Variants in GLT8D1 observed in about 807,000 individuals in gnomAD.
The protein encoded by GLT8D1 is glycosyltransferase 8 domain containing 1.
GLT8D1 carries 41 observed loss-of-function variants against 46.2 expected under a neutral mutation model. That is an observed-to-expected ratio of 0.89 (90% CI 0.69 to 1.15). GLT8D1 has a LOEUF of 1.15. GLT8D1 is among the 50% of genes most tolerant of loss of function. GLT8D1 has a pLI of 0.00. For missense variants in GLT8D1, 408 were observed against 449.3 expected, an observed-to-expected ratio of 0.91 and a Z score of 0.83; for synonymous variants, 150 against 154.2, an observed-to-expected ratio of 0.97 and a Z score of 0.20.
chr3:52,700,282 A>G lies in GLT8D1; in HGVS notation c.95T>C (p.Leu32Ser). ...CATACCTGTAACCTCATTCCTTAAC[A>G]AACTGCTCAAGCTGAGGAAGTTATG... is the stretch of plus-strand genomic sequence containing the variant. ...LHHNFLSLSSLLRNEVTDSGI... is the reference protein window; with the variant it reads ...LHHNFLSLSSSLRNEVTDSGI... Residue 32 changes from leucine (L) to serine (S), a missense_variant, in exon 3 of 10, where the codon TTG becomes TCG. Coordinates refer to ENST00000266014, the MANE Select transcript of GLT8D1 (RefSeq NM_018446.4). 6.2e-7 allele frequency: 1 copy of G among 1,612,662 alleles called. No individual in the cohort carries two copies. Among genetic ancestry groups the G allele is most frequent in the South Asian group, 1.1e-5 (1 of 91,036 alleles).
intron 1 of GLT8D1, chr3:52,700,699 TAAAA>T (rs2097338614): frequency 2.3e-6 from 1 of 433,890 alleles, no homozygotes; most frequent in African/African-American, 2.0e-5. Context: ...ATAAAAAACT[TAAAA>T]ATAAGTTGGA....
At chr3:52,696,512 C>A in intron 5 of GLT8D1, 30 bp downstream of exon 5, 3 of 1,193,082 alleles carry the variant, frequency 2.5e-6, no homozygotes, top group Non-Finnish European at 2.5e-6. Context: ...CTAATACTGC[C>A]AAGTGCAAAG....
In GLT8D1 at chr3:52,700,371, T is replaced by C. The variant is rs371635121; in HGVS notation, c.17-11A>G. On this transcript the variant is annotated splice_polypyrimidine_tract_variant and intron_variant, in intron 2 of 9. Transcript: ENST00000266014. ...AGATGATGATGTTTACTGAAATAGATAGGGAAAACCTATGTTATACCTCTT... is the reference window on the plus strand; with the variant it reads ...AGATGATGATGTTTACTGAAATAGACAGGGAAAACCTATGTTATACCTCTT... The C allele has an allele frequency of 5.0e-6, 8 of 1,607,050 alleles. No homozygotes were observed. In the African/African-American group the frequency reaches 8.0e-5, roughly 16 times the overall value.
At position 52,694,724 on chromosome 3, in the gene GLT8D1, T is replaced by C. The variant is rs764678361; in HGVS notation, c.*121A>G. ...GGGCAGTTTGTCATCTTTACCTAGC[T>C]GACACATCTTTTTCCATGGCTTGCT... is the stretch of plus-strand genomic sequence containing the variant. On this transcript the variant is annotated 3_prime_UTR_variant, in exon 10 of 10. Coordinates refer to ENST00000266014, the MANE Select transcript of GLT8D1 (RefSeq NM_018446.4). 11 of 742,058 alleles carry C rather than the reference T, an allele frequency of 1.5e-5. No homozygotes were observed. The African/African-American group carries it at 1.9e-4, about 13-fold the overall frequency. 46.0% of individuals were successfully genotyped at this position (742,058 alleles called of 1,614,324 possible). A position where few individuals can be genotyped will look rare whatever the true frequency, so the allele number is the denominator to read the frequency against.
intron 1 of GLT8D1, 128 bp downstream of exon 1, chr3:52,705,319 G>A (rs970443382): frequency 3.3e-5 from 5 of 152,406 alleles, no homozygotes; most frequent in Non-Finnish European, 7.3e-5. Context: ...CCCCAGATGA[G>A]GGACTTTCTA....
chr3:52,702,277 C>G (rs1283894408), intron 1 of GLT8D1, among the ~76,000 whole-genome samples: 2 of 152,124 alleles, frequency 1.3e-5, no homozygotes, highest in Non-Finnish European at 2.9e-5. Context: ...CACTGTGGCT[C>G]ATGCCTATAA....
rs1460114991 is a variant in GLT8D1, at chr3:52,695,575, CA to C, written c.657del (p.Ile219MetfsTer16). 1 of 1,595,578 alleles carries C rather than the reference CA, an allele frequency of 6.3e-7. No individual in the cohort carries two copies. Among genetic ancestry groups the C allele is most frequent in the South Asian group, 1.1e-5 (1 of 90,530 alleles). The part of the protein sequence containing the change: ...IRGAGNQYNY[I>X]GYLDYKKERI... ...CTTTCCTTTTTATAGTCAAGATAGC[CA>C]ATGTAATTGTACTAAAAACACAAAT... is the stretch of plus-strand genomic sequence containing the variant. On this transcript the variant is annotated frameshift_variant, in exon 8 of 10. Transcript: ENST00000266014. LOFTEE classifies it high-confidence loss of function.
intron 5 of GLT8D1, 78 bp downstream of exon 5, chr3:52,696,464 G>T: frequency 9.9e-7 from 1 of 1,008,226 alleles, no homozygotes; most frequent in Non-Finnish European, 1.6e-6. Flanking sequence ...GAAACTACTT[G>T]CACTATACCC....
chr3:52,696,609 T>C lies in GLT8D1; in HGVS notation c.380A>G (p.Asn127Ser), dbSNP rs1001647583. 3.1e-6 allele frequency: 5 copies of C among 1,611,440 alleles called. No homozygotes were observed. The highest frequency in any genetic ancestry group is 4.2e-6 in the Non-Finnish European group (5 of 1,177,626). The change falls in exon 5 of 10, where the codon AAT (asparagine) becomes AGT (serine). Residue 127 changes from asparagine (N) to serine (S), a missense_variant. Coordinates refer to ENST00000266014, the MANE Select transcript of GLT8D1 (RefSeq NM_018446.4). ...TCCTTCCAAAAGTTTAGGGTCAAAA[T>C]TGACAATTTTGTATCTGATGCTTTT... is the stretch of plus-strand genomic sequence containing the variant. ...SLKSIRYKIV[N>S]FDPKLLEGKV... is the part of the protein sequence containing the mutation.
At position 52,694,989 on chromosome 3, in the gene GLT8D1, G is replaced by C; in HGVS notation, c.972C>G (p.Ala324=). 1 of 1,612,506 alleles carries C rather than the reference G, an allele frequency of 6.2e-7. No individual in the cohort carries two copies. Among genetic ancestry groups the C allele is most frequent in the Non-Finnish European group, 8.5e-7 (1 of 1,178,536 alleles). Residue 324 remains alanine (A), a synonymous_variant, in exon 10 of 10, where the codon GCC becomes GCG. Coordinates refer to ENST00000266014, the MANE Select transcript of GLT8D1 (RefSeq NM_018446.4). Reference sequence around the variant, plus strand: ...AATGTCCATTCCAATGGAGTAACTTGGCAGCCTTTACAAACTGAGGTGAAT... The same window carrying C: ...AATGTCCATTCCAATGGAGTAACTTCGCAGCCTTTACAAACTGAGGTGAAT... ...KRYSPQFVKA[A]KLLHWNGHLK...
chr3:52,695,609 A>G (rs1453700744), intron 7 of GLT8D1, 22 bp from the exon 8 acceptor site: 2 of 1,413,686 alleles, frequency 1.4e-6, no homozygotes, highest in Non-Finnish European at 1.0e-6. Context: ...AATAGGATAT[A>G]TGTACTTACT....
intron 4 of GLT8D1, 36 bp downstream of exon 4, chr3:52,697,685 A>C (rs748947733): frequency 2.1e-6 from 3 of 1,415,574 alleles, no homozygotes; most frequent in South Asian, 1.1e-5. Context: ...GCTCTAAATC[A>C]TCCTCTAGAA....
intron 1 of GLT8D1, 54 bp downstream of exon 1, chr3:52,705,393 A>T (rs2097343201): frequency 6.6e-6 from 1 of 152,424 alleles, no homozygotes. Context: ...TCTGTTGTGG[A>T]TGCCGCCTAG....
chr3:52,695,393 T>A (rs751809106), intron 8 of GLT8D1, 28 bp downstream of exon 8: 2 of 1,605,046 alleles, frequency 1.2e-6, no homozygotes, highest in South Asian at 2.2e-5. Context: ...ACAACAGTTT[T>A]TCACAGCTAG....
chr3:52,704,529 T>C lies in GLT8D1; in HGVS notation c.-37+918A>G, dbSNP rs539885841. Among the ~76,000 whole-genome samples the C allele has an allele frequency of 9.3e-5, 14 of 151,068 alleles. No individual in the cohort carries two copies. In the East Asian group the frequency reaches 2.1e-3, roughly 23 times the overall value. ...ATTTATACACACAACAGAAAGTCTCTTCAAACACACCAAGAAATACAGAGC... is the reference window on the plus strand; with the variant it reads ...ATTTATACACACAACAGAAAGTCTCCTCAAACACACCAAGAAATACAGAGC... On this transcript the variant is annotated intron_variant, in intron 1 of 9. Coordinates refer to ENST00000266014, the MANE Select transcript of GLT8D1 (RefSeq NM_018446.4).
At chr3:52,698,536 C>G (rs1337894481) in intron 3 of GLT8D1, among the ~76,000 whole-genome samples, 5 of 151,936 alleles carry the variant, frequency 3.3e-5, no homozygotes, top group African/African-American at 1.2e-4. Context: ...ACAAAATGAG[C>G]CAGGTGTAGT....
intron 1 of GLT8D1, chr3:52,700,739 T>C (rs1387599350): frequency 1.3e-5 from 4 of 319,694 alleles, no homozygotes; most frequent in Non-Finnish European, 5.8e-6. Flanking sequence ...TTGTACATTA[T>C]ACATCACAAG....
intron 1 of GLT8D1, chr3:52,701,267 C>T (rs578115735): frequency 2.7e-5 from 4 of 150,844 alleles, no homozygotes; most frequent in South Asian, 4.2e-4. Context: ...GACAAACCCA[C>T]AGCACAGAAA....
chr3:52,697,223 AAGTT>A (rs1292276645), intron 4 of GLT8D1, among the ~76,000 whole-genome samples: 1 of 152,232 alleles, frequency 6.6e-6, no homozygotes, highest in African/African-American at 2.4e-5. Flanking sequence ...AATTTGGAGT[AAGTT>A]TTATAAGTCT....
Sources: gnomAD v4.1 joint callset for allele counts (sites outside exome capture counted in the v4.1 genomes callset) on GRCh38, gnomAD v4.1.1 for gene constraint, MANE v1.5 for transcripts, NCBI Gene and HGNC (gene_info 2026-07-23, HGNC 2026-07-21) for gene names.